TTC23: variants seen among roughly 807,000 people sequenced by gnomAD.
TTC23 encodes the protein tetratricopeptide repeat protein 23.
A neutral mutation model predicts 55.1 loss-of-function variants in TTC23; 58 were observed. The ratio of observed to expected loss-of-function variants is 1.05; its 90% CI spans 0.85 to 1.31. The LOEUF (loss-of-function observed/expected upper bound fraction) is 1.31, where lower values mean the gene tolerates loss of function less well. Among genes scored for constraint, TTC23 ranks in the 50% most tolerant of loss-of-function variants. The pLI, the probability that TTC23 is intolerant of heterozygous loss-of-function variation, is 0.00. For missense variants in TTC23, 516 were observed against 534.4 expected (o/e 0.97, Z 0.34); for synonymous variants, 203 against 199.9 (o/e 1.02, Z -0.13).
chr15:99,136,488 G>A lies in TTC23; in HGVS notation c.*1522C>T, dbSNP rs2067598850. On this transcript the variant is annotated 3_prime_UTR_variant, in exon 14 of 14. Coordinates refer to ENST00000394132, the MANE Select transcript of TTC23 (RefSeq NM_001288615.3). ...GCCAACAGTTTCATTTCCTGGTGAGGGCTCTCTTCCGGGCCTGCAGACGGC... is the reference window on the plus strand; with the variant it reads ...GCCAACAGTTTCATTTCCTGGTGAGAGCTCTCTTCCGGGCCTGCAGACGGC... 1.3e-5 allele frequency: 2 copies of A among 152,232 alleles called. No individual in the cohort carries two copies. The highest frequency in any genetic ancestry group is 2.1e-4 in the South Asian group (1 of 4,822). 9.4% of individuals were successfully genotyped at this position (152,232 alleles called of 1,614,324 possible). A position where few individuals can be genotyped will look rare whatever the true frequency, so the allele number is the denominator to read the frequency against.
At chr15:99,191,892 C>G (rs189290451) in intron 9 of TTC23, among the ~76,000 whole-genome samples, 1 of 152,126 alleles carries the variant, frequency 6.6e-6, no homozygotes, top group Admixed American at 6.5e-5. Context: ...ATGGCTTTGA[C>G]CAAAAGCCTG....
In TTC23 at chr15:99,211,536, A is replaced by T. The variant is rs537608831; in HGVS notation, c.581+7052T>A. Among the ~76,000 whole-genome samples, 9 of 152,292 alleles carry T rather than the reference A, an allele frequency of 5.9e-5. No individual in the cohort carries two copies. In the South Asian group the frequency reaches 1.9e-3, roughly 32 times the overall value. On this transcript the variant is annotated intron_variant, in intron 8 of 13. Transcript: ENST00000394132. ...ACCAAGGGCAGTCTTGAAGTACAAA[A>T]CCTTAATATGTGATATAAGTACCTG...
At chr15:99,207,933 A>G (rs913305227) in intron 8 of TTC23, among the ~76,000 whole-genome samples, 1 of 152,194 alleles carries the variant, frequency 6.6e-6, no homozygotes, top group African/African-American at 2.4e-5. Flanking sequence ...GATGCTTGTC[A>G]AGTAAACAAT....
intron 4 of TTC23, among the ~76,000 whole-genome samples, chr15:99,229,083 CATAT>C (rs150846192): frequency 2.1e-5 from 3 of 141,706 alleles, no homozygotes; most frequent in African/African-American, 5.0e-5. Flanking sequence ...TTTGTATGTA[CATAT>C]ATATATAAAG....
At chr15:99,249,110 A>C (rs1279178540) in intron 1 of TTC23, 61 bp downstream of exon 1, 1 of 152,180 alleles carries the variant, frequency 6.6e-6, no homozygotes, top group African/African-American at 2.4e-5. Flanking sequence ...ACAATAACGA[A>C]GCACAGTTTC....
At chr15:99,196,083 C>T (rs1017222426) in intron 9 of TTC23, among the ~76,000 whole-genome samples, 6 of 149,396 alleles carry the variant, frequency 4.0e-5, no homozygotes, top group Non-Finnish European at 8.9e-5. Context: ...ACCCAGGAGG[C>T]GAAGGCTGCA....
At chr15:99,184,337 G>A (rs927593352) in intron 9 of TTC23, among the ~76,000 whole-genome samples, 5 of 152,148 alleles carry the variant, frequency 3.3e-5, no homozygotes, top group Admixed American at 6.5e-5. Flanking sequence ...CTCTGGAAAA[G>A]CCATAGACAC....
In TTC23 at chr15:99,137,994, T is replaced by C; in HGVS notation, c.*16A>G. The C allele has an allele frequency of 6.2e-7, 1 of 1,614,080 alleles. No individual in the cohort carries two copies. The highest frequency in any genetic ancestry group is 8.5e-7 in the Non-Finnish European group (1 of 1,180,004). On this transcript the variant is annotated 3_prime_UTR_variant, in exon 14 of 14. Coordinates refer to ENST00000394132, the MANE Select transcript of TTC23 (RefSeq NM_001288615.3). ...CAGTGCCCAGGAATGTCCTAGGCTT[T>C]TTCAGGGTGGGGGCCTCAGTCTGCT...
intron 10 of TTC23, among the ~76,000 whole-genome samples, chr15:99,171,217 T>A (rs945883770): frequency 1.3e-5 from 2 of 152,194 alleles, no homozygotes; most frequent in East Asian, 1.9e-4. Flanking sequence ...AGCATCAGGA[T>A]GATAAACAGT....
rs1433712304 is a variant in TTC23, at chr15:99,249,356, CA to C, written c.-617del. 4 of 152,298 alleles carry C rather than the reference CA, an allele frequency of 2.6e-5. No homozygotes were observed. Among genetic ancestry groups the C allele is most frequent in the African/African-American group, 9.6e-5 (4 of 41,574 alleles). The allele number at this position is 152,298 out of a possible 1,614,324, so 9.4% of individuals were successfully genotyped here. Reference sequence around the variant, plus strand: ...AACCGGAAAAGTTTCTGTAACTCTCCAATCTCCAACTATGTCGTAAAATCCC... The same window carrying C: ...AACCGGAAAAGTTTCTGTAACTCTCCATCTCCAACTATGTCGTAAAATCCC... On this transcript the variant is annotated 5_prime_UTR_variant, in exon 1 of 14. In the 5' UTR this introduces an upstream ATG that the reference lacks. Coordinates refer to ENST00000394132, the MANE Select transcript of TTC23 (RefSeq NM_001288615.3).
chr15:99,195,960 C>A (rs527791050), intron 9 of TTC23, among the ~76,000 whole-genome samples: 43 of 151,310 alleles, frequency 2.8e-4, no homozygotes, highest in African/African-American at 1.0e-3. Context: ...TCAAGACCAG[C>A]CTGGCCAACA....
intron 9 of TTC23, among the ~76,000 whole-genome samples, chr15:99,197,304 A>G (rs113008813): frequency 0.027 from 4,032 of 151,826 alleles, 113 homozygotes; most frequent in African/African-American, 0.067. Context: ...GGGTTTCACC[A>G]TGTTAGCCAG....
chr15:99,150,884 A>G (rs1596268174), intron 12 of TTC23, among the ~76,000 whole-genome samples: 1 of 152,060 alleles, frequency 6.6e-6, no homozygotes, highest in African/African-American at 2.4e-5. Flanking sequence ...GCCAGCTCCA[A>G]CTGCTTTTTG....
At chr15:99,181,545 T>G (rs1190646604) in intron 9 of TTC23, among the ~76,000 whole-genome samples, 1 of 152,202 alleles carries the variant, frequency 6.6e-6, no homozygotes, top group Non-Finnish European at 1.5e-5. Flanking sequence ...TGCTGTTTCT[T>G]TTATAACTGA....
chr15:99,170,176 G>C (rs1530920), intron 10 of TTC23, among the ~76,000 whole-genome samples: 58,619 of 151,890 alleles, frequency 0.39, 11,477 homozygotes, highest in Middle Eastern at 0.53. Context: ...GGGAATCTTT[G>C]TGCAATCACA....
chr15:99,167,369 G>A (rs556431003), intron 10 of TTC23, among the ~76,000 whole-genome samples: 1 of 152,370 alleles, frequency 6.6e-6, no homozygotes, highest in Non-Finnish European at 1.5e-5. Context: ...CTGGGCAGAA[G>A]CTGAGGTCAT....
At chr15:99,210,910 C>T (rs915595992) in intron 8 of TTC23, among the ~76,000 whole-genome samples, 4 of 152,166 alleles carry the variant, frequency 2.6e-5, no homozygotes, top group East Asian at 1.9e-4. Flanking sequence ...CCCCTTGCCA[C>T]ATCACTTCTC....
intron 10 of TTC23, among the ~76,000 whole-genome samples, chr15:99,166,874 A>T (rs2072181163): frequency 6.6e-6 from 1 of 152,220 alleles, no homozygotes; most frequent in Non-Finnish European, 1.5e-5. Flanking sequence ...AGAATGGCCT[A>T]GAGCTTAGGA....
rs1473556383 is a variant in TTC23, at chr15:99,136,625, C to T, written c.*1385G>A. On this transcript the variant is annotated 3_prime_UTR_variant, in exon 14 of 14. Transcript: ENST00000394132. Reference sequence around the variant, plus strand: ...GGCTCCACCCTCATAACCTAATCACCTCTCCAAGACCCCACCCCCAATACC... The same window carrying T: ...GGCTCCACCCTCATAACCTAATCACTTCTCCAAGACCCCACCCCCAATACC... 1 of 152,272 alleles carries T rather than the reference C, an allele frequency of 6.6e-6. No homozygotes were observed. Among genetic ancestry groups the T allele is most frequent in the South Asian group, 2.1e-4 (1 of 4,832 alleles). 9.4% of individuals were successfully genotyped at this position (152,272 alleles called of 1,614,324 possible). A position where few individuals can be genotyped will look rare whatever the true frequency, so the allele number is the denominator to read the frequency against.
Sources: gnomAD v4.1 joint callset for allele counts (sites outside exome capture counted in the v4.1 genomes callset) on GRCh38, gnomAD v4.1.1 for gene constraint, MANE v1.5 for transcripts, NCBI Gene and HGNC (gene_info 2026-07-23, HGNC 2026-07-21) for gene names.